Variants in IL1RAPL2 observed in about 807,000 individuals in gnomAD.
The protein encoded by IL1RAPL2 is X-linked interleukin-1 receptor accessory protein-like 2.
In IL1RAPL2, 3 loss-of-function variants were observed where a neutral mutation model predicts 44.1. That is an observed-to-expected ratio of 0.07 (90% CI 0.03 to 0.18). IL1RAPL2 has a LOEUF of 0.18. Among genes scored for constraint, IL1RAPL2 ranks in the 10% least tolerant of loss-of-function variants. The pLI is 1.00. For missense variants in IL1RAPL2, 391 were observed against 496.4 expected, an observed-to-expected ratio of 0.79 and a Z score of 2.02; for synonymous variants, 181 against 178.8, an observed-to-expected ratio of 1.01 and a Z score of -0.10.
chrX:105,006,843 C>T (rs2030950985), intron 2 of IL1RAPL2, among the ~76,000 whole-genome samples: 1 of 111,391 alleles, frequency 9.0e-6, no homozygotes, highest in Admixed American at 9.6e-5. Context: ...TAACTGCACT[C>T]CTTGTTAGAT....
At chrX:104,686,550 TTTCC>T (rs1377132616) in intron 2 of IL1RAPL2, among the ~76,000 whole-genome samples, 1 of 111,897 alleles carries the variant, frequency 8.9e-6, no homozygotes, top group Non-Finnish European at 1.9e-5. Context: ...TGGCTTAGAG[TTTCC>T]TGGGAAGGGT....
intron 2 of IL1RAPL2, among the ~76,000 whole-genome samples, chrX:105,036,959 A>G (rs2031640374): frequency 8.9e-6 from 1 of 111,863 alleles, no homozygotes. Context: ...AAGTGGAGAA[A>G]CTCTATCTTA....
At chrX:105,380,602 A>C (rs768245749) in intron 5 of IL1RAPL2, among the ~76,000 whole-genome samples, 7 of 111,526 alleles carry the variant, frequency 6.3e-5, no homozygotes, top group Non-Finnish European at 1.3e-4. Flanking sequence ...AGCTCTCTCT[A>C]CTCTGAATCA....
At chrX:104,834,176 T>C (rs1370480818) in intron 2 of IL1RAPL2, among the ~76,000 whole-genome samples, 3 of 111,897 alleles carry the variant, frequency 2.7e-5, no homozygotes, top group African/African-American at 9.7e-5. Flanking sequence ...GTTCTGATTC[T>C]ATCTTGGTGT....
chrX:104,983,630 A>G (rs1369016276), intron 2 of IL1RAPL2, among the ~76,000 whole-genome samples: 1 of 98,111 alleles, frequency 1.0e-5, no homozygotes, highest in African/African-American at 3.7e-5. Context: ...TTATATGCAT[A>G]ATATATTATA....
At chrX:105,567,909 A>G (rs747349597) in intron 6 of IL1RAPL2, among the ~76,000 whole-genome samples, 1 of 111,536 alleles carries the variant, frequency 9.0e-6, no homozygotes, top group Admixed American at 9.6e-5. Flanking sequence ...AAAGCCCTAA[A>G]AAGGAAAAAA....
At chrX:105,009,484 C>A (rs1321501102) in intron 2 of IL1RAPL2, among the ~76,000 whole-genome samples, 1 of 105,648 alleles carries the variant, frequency 9.5e-6, no homozygotes, top group Non-Finnish European at 1.9e-5. Context: ...TCATTCTCAG[C>A]AAACTATCGC....
chrX:104,847,532 G>T (rs747860463), intron 2 of IL1RAPL2, among the ~76,000 whole-genome samples: 2 of 111,309 alleles, frequency 1.8e-5, no homozygotes, highest in South Asian at 7.7e-4. Flanking sequence ...TGAGGGGTCT[G>T]TTCTGTTCCA....
At chrX:105,629,436 G>A (rs992701042) in intron 6 of IL1RAPL2, among the ~76,000 whole-genome samples, 2 of 111,665 alleles carry the variant, frequency 1.8e-5, no homozygotes, top group Admixed American at 9.5e-5. Flanking sequence ...AACTCCAGAA[G>A]TTAAAAAGTC....
chrX:104,990,803 C>T lies in IL1RAPL2; in HGVS notation c.83-204672C>T, dbSNP rs193252142. On this transcript the variant is annotated intron_variant, in intron 2 of 10. Coordinates refer to ENST00000372582, the MANE Select transcript of IL1RAPL2 (RefSeq NM_017416.2). Reference sequence around the variant, plus strand: ...GTGTTGCAAAATTATATTTAAAGGTCAACAGCTGTTTTATTCCAGATGGAA... The same window carrying T: ...GTGTTGCAAAATTATATTTAAAGGTTAACAGCTGTTTTATTCCAGATGGAA... Among the ~76,000 whole-genome samples, 150 of 111,405 alleles carry T rather than the reference C, an allele frequency of 1.3e-3. 1 individual carries two copies. Among genetic ancestry groups the T allele is most frequent in the Non-Finnish European group, 2.5e-3 (131 of 52,947 alleles).
intron 2 of IL1RAPL2, among the ~76,000 whole-genome samples, chrX:104,795,529 A>G (rs1323980297): frequency 9.1e-6 from 1 of 110,247 alleles, no homozygotes; most frequent in Non-Finnish European, 1.9e-5. Context: ...TATAAACATT[A>G]GCAATAAAAA....
intron 1 of IL1RAPL2, among the ~76,000 whole-genome samples, chrX:104,576,728 T>C (rs990418262): frequency 8.9e-6 from 1 of 112,020 alleles, no homozygotes; most frequent in Admixed American, 9.5e-5. Context: ...TATTGTCCTT[T>C]TGCTAATATC....
At chrX:105,047,641 G>A (rs2031858617) in intron 2 of IL1RAPL2, among the ~76,000 whole-genome samples, 1 of 111,252 alleles carries the variant, frequency 9.0e-6, no homozygotes, top group Non-Finnish European at 1.9e-5. Context: ...ATTCTAACAA[G>A]AGCTTTTGCT....
intron 2 of IL1RAPL2, among the ~76,000 whole-genome samples, chrX:105,073,608 A>G (rs2032243112): frequency 9.0e-6 from 1 of 111,290 alleles, no homozygotes; most frequent in African/African-American, 3.3e-5. Context: ...TAGATCCCTG[A>G]GGAATCACCA....
chrX:104,775,005 T>C (rs976413064), intron 2 of IL1RAPL2, among the ~76,000 whole-genome samples: 1 of 112,139 alleles, frequency 8.9e-6, no homozygotes, highest in African/African-American at 3.2e-5. Context: ...ACTCCATCAC[T>C]GCATTGCTAG....
chrX:105,580,357 C>T (rs2037080133), intron 6 of IL1RAPL2, among the ~76,000 whole-genome samples: 1 of 102,102 alleles, frequency 9.8e-6, no homozygotes, highest in African/African-American at 3.7e-5. Context: ...AAGTGAACCC[C>T]CCGTGTTTTT....
chrX:105,131,642 G>A (rs1428611311), intron 2 of IL1RAPL2, among the ~76,000 whole-genome samples: 2 of 109,707 alleles, frequency 1.8e-5, no homozygotes, highest in Non-Finnish European at 3.8e-5. Flanking sequence ...TCTTCCAAAC[G>A]CTAATATAAT....
At chrX:105,190,679 A>G (rs1476455642) in intron 2 of IL1RAPL2, among the ~76,000 whole-genome samples, 2 of 112,332 alleles carry the variant, frequency 1.8e-5, no homozygotes, top group African/African-American at 6.5e-5. Flanking sequence ...ATCCAGAATC[A>G]GCAATTCTAT....
At chrX:104,918,480 G>A (rs1479730340) in intron 2 of IL1RAPL2, among the ~76,000 whole-genome samples, 1 of 112,002 alleles carries the variant, frequency 8.9e-6, no homozygotes, top group Admixed American at 9.5e-5. Context: ...GACCAATGGG[G>A]TTACATTAAC....
Sources: allele counts gnomAD v4.1 joint callset (sites outside exome capture counted in the v4.1 genomes callset), GRCh38; gene constraint gnomAD v4.1.1; transcripts MANE v1.5; gene names NCBI Gene and HGNC (gene_info 2026-07-23, HGNC 2026-07-21).